QTMAN: variants seen among roughly 807,000 people sequenced by gnomAD.
QTMAN encodes the protein queuosine-tRNA mannosyltransferase, also known as tRNA-queuosine alpha-mannosyltransferase.
chr2:144,052,244 G>C, the QTMAN span, among the ~76,000 whole-genome samples: 1 of 152,150 alleles, frequency 6.6e-6, no homozygotes, highest in Non-Finnish European at 1.5e-5. Context: ...GATAAAACTG[G>C]GGCTGTGAGG....
the QTMAN span, among the ~76,000 whole-genome samples, chr2:144,024,521 G>C: frequency 1.3e-5 from 2 of 152,188 alleles, no homozygotes; most frequent in Non-Finnish European, 2.9e-5. Context: ...GTTGGTTGAA[G>C]GGTAATTATT....
At chr2:143,971,665 G>A in the QTMAN span, among the ~76,000 whole-genome samples, 1 of 152,040 alleles carries the variant, frequency 6.6e-6, no homozygotes, top group Non-Finnish European at 1.5e-5. Flanking sequence ...TCAGACAGAT[G>A]TGGACCAGAT....
chr2:143,963,815 C>G, the QTMAN span: 1 of 152,064 alleles, frequency 6.6e-6, no homozygotes, highest in East Asian at 1.9e-4. Context: ...TTGTTGTTTT[C>G]TTTATTTCAG....
the QTMAN span, among the ~76,000 whole-genome samples, chr2:144,117,373 T>C: frequency 5.3e-5 from 8 of 152,218 alleles, no homozygotes; most frequent in Admixed American, 5.2e-4. Flanking sequence ...CTGTCAACTC[T>C]AGCCATTTCC....
At chr2:144,289,672 T>C in the QTMAN span, among the ~76,000 whole-genome samples, 1 of 152,254 alleles carries the variant, frequency 6.6e-6, no homozygotes, top group Non-Finnish European at 1.5e-5. Context: ...AGATTATAAG[T>C]AGCAAAATGG....
the QTMAN span, among the ~76,000 whole-genome samples, chr2:144,262,843 G>A: frequency 5.7e-5 from 5 of 88,040 alleles, no homozygotes; most frequent in South Asian, 5.4e-4. Flanking sequence ...AGAGGGGAGC[G>A]GGGAAAGGGA....
At chr2:143,987,132 T>C in the QTMAN span, among the ~76,000 whole-genome samples, 1 of 152,168 alleles carries the variant, frequency 6.6e-6, no homozygotes, top group East Asian at 1.9e-4. Context: ...TGGCCTCCAG[T>C]TGTGAGTCCT....
At chr2:144,235,981 T>A in the QTMAN span, among the ~76,000 whole-genome samples, 1,478 of 150,824 alleles carry the variant, frequency 9.8e-3, 6 homozygotes, top group African/African-American at 0.013. Flanking sequence ...TAATAATAAT[T>A]ATTATTATTA....
the QTMAN span, among the ~76,000 whole-genome samples, chr2:144,001,061 T>C: frequency 6.6e-6 from 1 of 151,962 alleles, no homozygotes; most frequent in Non-Finnish European, 1.5e-5. Flanking sequence ...CTAAGTTATT[T>C]CAGCAATGAG....
chr2:144,106,480 A>C, the QTMAN span, among the ~76,000 whole-genome samples: 1 of 152,232 alleles, frequency 6.6e-6, no homozygotes, highest in East Asian at 1.9e-4. Context: ...AACAGACTTT[A>C]AACCTACAAA....
chr2:144,284,256 T>C, the QTMAN span, among the ~76,000 whole-genome samples: 4 of 151,868 alleles, frequency 2.6e-5, no homozygotes, highest in Admixed American at 6.6e-5. Flanking sequence ...ATACCTCCCA[T>C]GGAAAAAAAT....
the QTMAN span, among the ~76,000 whole-genome samples, chr2:144,179,598 T>C: frequency 6.6e-6 from 1 of 152,168 alleles, no homozygotes; most frequent in Non-Finnish European, 1.5e-5. Context: ...AAACTGGTTC[T>C]GAACGTCTTC....
chr2:144,128,108 T>G, the QTMAN span: 1 of 151,950 alleles, frequency 6.6e-6, no homozygotes, highest in Non-Finnish European at 1.5e-5. Flanking sequence ...GGAAAAAAAT[T>G]TATTCATAAA....
chr2:144,174,828 G>A, the QTMAN span, among the ~76,000 whole-genome samples: 1 of 152,164 alleles, frequency 6.6e-6, no homozygotes, highest in Admixed American at 6.6e-5. Flanking sequence ...ATGTGGAACT[G>A]TGAGTCCATT....
At chr2:144,290,114 CTTTT>C in the QTMAN span, among the ~76,000 whole-genome samples, 1 of 147,222 alleles carries the variant, frequency 6.8e-6, no homozygotes, top group African/African-American at 2.5e-5. Context: ...TTTTATGTTA[CTTTT>C]TTTTTTTTCT....
chr2:144,207,083 A>G, the QTMAN span, among the ~76,000 whole-genome samples: 1 of 152,218 alleles, frequency 6.6e-6, no homozygotes, highest in Non-Finnish European at 1.5e-5. Flanking sequence ...TACAACTTTT[A>G]TATCATCATG....
the QTMAN span, among the ~76,000 whole-genome samples, chr2:144,278,905 T>A: frequency 6.6e-6 from 1 of 152,222 alleles, no homozygotes. Flanking sequence ...CTATTATGTT[T>A]AAAGTGCTTC....
chr2:144,293,254 G>A, the QTMAN span, among the ~76,000 whole-genome samples: 1 of 152,136 alleles, frequency 6.6e-6, no homozygotes. Flanking sequence ...ACAGATACAA[G>A]CAAGGCCATA....
the QTMAN span, among the ~76,000 whole-genome samples, chr2:144,015,386 C>A: frequency 1.2e-3 from 186 of 152,284 alleles, 1 homozygote; most frequent in African/African-American, 4.0e-3. Context: ...TCTCTGCCCA[C>A]TGGTGGTCAA....
Sources: gnomAD v4.1 joint callset for allele counts (sites outside exome capture counted in the v4.1 genomes callset) on GRCh38, gnomAD v4.1.1 for gene constraint, MANE v1.5 for transcripts, NCBI Gene and HGNC (gene_info 2026-07-23, HGNC 2026-07-21) for gene names.